Variants in EPHA5 observed in about 807,000 individuals in gnomAD.
The protein encoded by EPHA5 is EPH receptor A5.
EPHA5 carries 60 observed loss-of-function variants against 105.0 expected under a neutral mutation model. The observed-to-expected ratio is 0.57, with a 90% CI of 0.46 to 0.71. EPHA5 has a LOEUF of 0.71. EPHA5 is among the 30% of genes least tolerant of loss of function. The pLI is 0.00. For missense variants in EPHA5, 1,218 were observed against 1,274.7 expected (o/e 0.96, Z 0.68); for synonymous variants, 513 against 449.1 (o/e 1.14, Z -1.80).
chr4:65,496,919 G>A, intron 3 of EPHA5, among the ~76,000 whole-genome samples: 1 of 152,132 alleles, frequency 6.6e-6, no homozygotes, highest in Admixed American at 6.6e-5. Flanking sequence ...ATTTCTATGA[G>A]CATTTCTAAG....
chr4:65,355,508 T>G (rs1422537516), intron 11 of EPHA5, among the ~76,000 whole-genome samples: 3 of 151,666 alleles, frequency 2.0e-5, no homozygotes, highest in East Asian at 3.9e-4. Context: ...CTTTGGGCTC[T>G]TTTCGTCCCA....
intron 13 of EPHA5, among the ~76,000 whole-genome samples, chr4:65,349,174 T>C (rs140086024): frequency 1.1e-4 from 16 of 152,212 alleles, no homozygotes; most frequent in African/African-American, 3.6e-4. Context: ...TTATTTCTTT[T>C]AGACTTGCTT....
chr4:65,634,575 T>C (rs1009772764), intron 2 of EPHA5, among the ~76,000 whole-genome samples: 1 of 152,068 alleles, frequency 6.6e-6, no homozygotes, highest in East Asian at 1.9e-4. Flanking sequence ...ATTTTACAGA[T>C]GGGGTATGCT....
intron 5 of EPHA5, among the ~76,000 whole-genome samples, chr4:65,444,160 C>A (rs1294848918): frequency 6.6e-6 from 1 of 152,072 alleles, no homozygotes; most frequent in Non-Finnish European, 1.5e-5. Context: ...TATAATAGTG[C>A]AAATGTGAAC....
intron 2 of EPHA5, among the ~76,000 whole-genome samples, chr4:65,628,723 G>GTC (rs1402095303): frequency 1.3e-5 from 2 of 152,124 alleles, no homozygotes; most frequent in African/African-American, 4.8e-5. Flanking sequence ...TCATGGTTAT[G>GTC]TCTTTAACTG....
intron 3 of EPHA5, among the ~76,000 whole-genome samples, chr4:65,595,459 G>A (rs1489315988): frequency 1.3e-5 from 2 of 151,988 alleles, no homozygotes; most frequent in African/African-American, 4.8e-5. Context: ...TGGAAAAAAT[G>A]TAGTATTATT....
intron 3 of EPHA5, among the ~76,000 whole-genome samples, chr4:65,531,763 T>A (rs904622578): frequency 9.2e-5 from 14 of 152,160 alleles, no homozygotes; most frequent in African/African-American, 3.4e-4. Flanking sequence ...AGAATGACAA[T>A]GATCCAGGAA....
At chr4:65,638,436 A>G (rs956383470) in intron 2 of EPHA5, among the ~76,000 whole-genome samples, 1 of 152,276 alleles carries the variant, frequency 6.6e-6, no homozygotes, top group Admixed American at 6.5e-5. Context: ...CATAATTTAC[A>G]TGATATATGT....
chr4:65,415,343 CAT>C (rs1320885034), intron 6 of EPHA5, among the ~76,000 whole-genome samples: 5 of 152,092 alleles, frequency 3.3e-5, no homozygotes, highest in South Asian at 2.1e-4. Flanking sequence ...TAACAGGTAA[CAT>C]ATGTGAAAAC....
chr4:65,601,427 TATTA>T (rs1195316115), intron 3 of EPHA5, among the ~76,000 whole-genome samples: 1 of 152,182 alleles, frequency 6.6e-6, no homozygotes, highest in African/African-American at 2.4e-5. Context: ...ACTCTCTGAG[TATTA>T]ATTATGTATA....
intron 3 of EPHA5, among the ~76,000 whole-genome samples, chr4:65,597,715 A>AT: frequency 6.6e-6 from 1 of 152,308 alleles, no homozygotes; most frequent in East Asian, 1.9e-4. Context: ...AGAAATGAGT[A>AT]TTTTGTTACC....
intron 3 of EPHA5, among the ~76,000 whole-genome samples, chr4:65,576,114 A>AAAAGAAAAGAAAAGAAAGAAAG (rs1560721649): frequency 2.5e-5 from 1 of 39,732 alleles, no homozygotes; most frequent in East Asian, 1.3e-3. Context: ...AAAAGAAAAG[A>AAAAGAAAAGAAAAGAAAGAAAG]AAAAAGAAAA....
chr4:65,352,875 T>C (rs1277151569), intron 12 of EPHA5, among the ~76,000 whole-genome samples, 167 bp downstream of exon 12: 1 of 151,738 alleles, frequency 6.6e-6, no homozygotes, highest in Non-Finnish European at 1.5e-5. Context: ...CAAACCTATG[T>C]TCATTTTGGA....
chr4:65,656,375 A>T (rs1749061899), intron 1 of EPHA5, among the ~76,000 whole-genome samples: 1 of 151,434 alleles, frequency 6.6e-6, no homozygotes. Flanking sequence ...TGTAACTGAA[A>T]GCTTATGCTT....
intron 3 of EPHA5, among the ~76,000 whole-genome samples, chr4:65,588,811 G>A (rs889049319): frequency 1.3e-5 from 2 of 152,186 alleles, no homozygotes; most frequent in East Asian, 1.9e-4. Context: ...TGGCCTGGTC[G>A]GACGGTACCA....
rs112242440 is a variant in EPHA5 at position 65,444,264 on chromosome 4, A to G, written c.1403-23699T>C. ...CTTTTGTCTCTGCAAAATGAAGATA[A>G]TATCTATCCTTAAGTTGTTATAAAG... On this transcript the variant is annotated intron_variant, in intron 5 of 16. Coordinates refer to ENST00000613740, the MANE Select transcript of EPHA5 (RefSeq NM_001281766.3). Among the ~76,000 whole-genome samples the G allele has an allele frequency of 3.7e-3, 569 of 152,298 alleles. 5 individuals are homozygous for G. Among genetic ancestry groups the G allele is most frequent in the African/African-American group, 0.013 (538 of 41,562 alleles).
At chr4:65,520,424 C>T (rs1734574051) in intron 3 of EPHA5, among the ~76,000 whole-genome samples, 1 of 152,082 alleles carries the variant, frequency 6.6e-6, no homozygotes, top group Non-Finnish European at 1.5e-5. Context: ...CATAAAAACC[C>T]TAGAAGAAAA....
chr4:65,609,903 G>A (rs941141531), intron 2 of EPHA5, among the ~76,000 whole-genome samples: 4 of 151,876 alleles, frequency 2.6e-5, no homozygotes, highest in Non-Finnish European at 4.4e-5. Context: ...GACTGATTAT[G>A]TATTTATTAT....
chr4:65,414,129 T>C (rs567078727), intron 7 of EPHA5, among the ~76,000 whole-genome samples, 155 bp downstream of exon 7: 2 of 152,126 alleles, frequency 1.3e-5, no homozygotes, highest in South Asian at 2.1e-4. Context: ...CCTACCATAA[T>C]AGCATGACAG....
Sources: allele counts gnomAD v4.1 joint callset (sites outside exome capture counted in the v4.1 genomes callset), GRCh38; gene constraint gnomAD v4.1.1; transcripts MANE v1.5; gene names NCBI Gene and HGNC (gene_info 2026-07-23, HGNC 2026-07-21).